The following ROBO1 variants were observed in gnomAD, a reference collection of about 807,000 sequenced individuals.
ROBO1 encodes the protein roundabout homolog 1.
ROBO1 carries 149 observed loss-of-function variants against 195.9 expected under a neutral mutation model. That is an observed-to-expected ratio of 0.76 (90% CI 0.67 to 0.87). The LOEUF (loss-of-function observed/expected upper bound fraction) is 0.87, where lower values mean the gene tolerates loss of function less well. Ranked by LOEUF, ROBO1 falls within the 40% of genes least tolerant of loss-of-function variation. The pLI, the probability that ROBO1 is intolerant of heterozygous loss-of-function variation, is 0.00. For missense variants in ROBO1, 1,933 were observed against 2,068.3 expected, an observed-to-expected ratio of 0.93 and a Z score of 1.27; for synonymous variants, 816 against 733.2, an observed-to-expected ratio of 1.11 and a Z score of -1.82.
At chr3:79,472,668 C>T (rs956510817) in intron 2 of ROBO1, among the ~76,000 whole-genome samples, 6 of 152,056 alleles carry the variant, frequency 3.9e-5, no homozygotes, top group Non-Finnish European at 8.8e-5. Context: ...CATTCGAAAA[C>T]CAATTTTATT....
intron 3 of ROBO1, among the ~76,000 whole-genome samples, chr3:79,112,945 A>G (rs1384336866): frequency 6.6e-6 from 1 of 152,012 alleles, no homozygotes; most frequent in Non-Finnish European, 1.5e-5. Flanking sequence ...AAAAAAATTG[A>G]GATGTGGTTA....
intron 8 of ROBO1, among the ~76,000 whole-genome samples, chr3:78,695,637 AAAAAAAG>A (rs1180328214): frequency 1.3e-5 from 2 of 150,820 alleles, no homozygotes; most frequent in African/African-American, 4.9e-5. Flanking sequence ...AAAAAAAAAA[AAAAAAAG>A]AAAAGAAAAC....
chr3:79,377,401 G>T (rs2036423214), intron 2 of ROBO1, among the ~76,000 whole-genome samples: 1 of 152,124 alleles, frequency 6.6e-6, no homozygotes. Flanking sequence ...TGAGGAAACA[G>T]CAAGGGGATT....
intron 1 of ROBO1, among the ~76,000 whole-genome samples, chr3:79,711,839 T>A (rs2107232009): frequency 6.8e-6 from 1 of 147,042 alleles, no homozygotes; most frequent in South Asian, 2.2e-4. Flanking sequence ...CTGGCAATAT[T>A]TTAAAACTTT....
intron 4 of ROBO1, among the ~76,000 whole-genome samples, chr3:78,775,781 G>A (rs2083488689): frequency 1.3e-5 from 2 of 152,160 alleles, no homozygotes; most frequent in South Asian, 4.1e-4. Flanking sequence ...TACTGTCTGG[G>A]AACCATTTTT....
rs56924228 is a variant in ROBO1, at chr3:79,140,287, C to A, written c.89-14748G>T. On this transcript the variant is annotated intron_variant, in intron 2 of 30. Transcript: ENST00000464233. ...ATTCACATGTTTTGTTAAATTCAGTCAAAATATCAAATTATTTACTTGATA... is the reference window on the plus strand; with the variant it reads ...ATTCACATGTTTTGTTAAATTCAGTAAAAATATCAAATTATTTACTTGATA... Among the ~76,000 whole-genome samples the A allele has an allele frequency of 8.1e-3, 1,234 of 152,100 alleles. 12 individuals carry two copies. The highest frequency in any genetic ancestry group is 0.028 in the African/African-American group (1,169 of 41,506).
intron 4 of ROBO1, among the ~76,000 whole-genome samples, chr3:78,936,347 A>G (rs1202286397): frequency 2.0e-5 from 3 of 151,980 alleles, no homozygotes; most frequent in South Asian, 4.1e-4. Context: ...GCGCTATGAA[A>G]CCTGTGTTGC....
chr3:79,499,130 G>A (rs1264362357), intron 2 of ROBO1, among the ~76,000 whole-genome samples: 5 of 152,100 alleles, frequency 3.3e-5, no homozygotes, highest in Non-Finnish European at 5.9e-5. Flanking sequence ...GAGTACCTGA[G>A]ATTACAGGCA....
chr3:78,789,811 A>G (rs982844691), intron 4 of ROBO1, among the ~76,000 whole-genome samples: 13 of 152,172 alleles, frequency 8.5e-5, no homozygotes, highest in Non-Finnish European at 1.5e-4. Flanking sequence ...TCCCCTCTTT[A>G]GAGCTCAAGC....
At chr3:79,025,328 A>G (rs1381100195) in intron 3 of ROBO1, among the ~76,000 whole-genome samples, 3 of 151,658 alleles carry the variant, frequency 2.0e-5, no homozygotes, top group Non-Finnish European at 2.9e-5. Context: ...TATCCTTTCC[A>G]CTTGTTTATT....
chr3:79,439,150 T>G (rs888538466), intron 2 of ROBO1, among the ~76,000 whole-genome samples: 1 of 152,098 alleles, frequency 6.6e-6, no homozygotes, highest in Admixed American at 6.6e-5. Flanking sequence ...TAATTACTTC[T>G]AAGTACGGAA....
chr3:79,027,086 T>C (rs1382512959), intron 3 of ROBO1, among the ~76,000 whole-genome samples: 2 of 152,092 alleles, frequency 1.3e-5, no homozygotes, highest in African/African-American at 2.4e-5. Context: ...AGACAAAAAG[T>C]ATGAGCAAGA....
At chr3:78,637,336 T>A (rs1163896335) in intron 22 of ROBO1, among the ~76,000 whole-genome samples, 1 of 152,200 alleles carries the variant, frequency 6.6e-6, no homozygotes, top group African/African-American at 2.4e-5. Context: ...TTCTAATTTC[T>A]AGTTTTGTTT....
At chr3:78,763,245 T>A (rs1471452353) in intron 4 of ROBO1, among the ~76,000 whole-genome samples, 2 of 152,118 alleles carry the variant, frequency 1.3e-5, no homozygotes, top group African/African-American at 4.8e-5. Flanking sequence ...AAAGAACAAC[T>A]AAATTAATAA....
intron 2 of ROBO1, among the ~76,000 whole-genome samples, chr3:79,135,220 T>C (rs2108596058): frequency 6.6e-6 from 1 of 152,260 alleles, no homozygotes; most frequent in African/African-American, 2.4e-5. Flanking sequence ...TGAAAAATTG[T>C]TGGAAGATAG....
intron 8 of ROBO1, among the ~76,000 whole-genome samples, chr3:78,709,407 C>T (rs1204623566): frequency 1.3e-5 from 2 of 151,978 alleles, no homozygotes; most frequent in East Asian, 3.9e-4. Context: ...CTTTTTATTG[C>T]CTAAATATTT....
chr3:79,316,596 G>A (rs1040883107), intron 2 of ROBO1, among the ~76,000 whole-genome samples: 1 of 152,102 alleles, frequency 6.6e-6, no homozygotes, highest in Non-Finnish European at 1.5e-5. Flanking sequence ...TAGAGATAAA[G>A]TCTGAGGATG....
chr3:79,314,988 C>G (rs932438064), intron 2 of ROBO1, among the ~76,000 whole-genome samples: 1 of 151,918 alleles, frequency 6.6e-6, no homozygotes, highest in Non-Finnish European at 1.5e-5. Flanking sequence ...AAGTTCTCAC[C>G]GAAATGTCTT....
intron 4 of ROBO1, among the ~76,000 whole-genome samples, chr3:78,873,977 C>T (rs2035694363): frequency 6.6e-6 from 1 of 151,864 alleles, no homozygotes; most frequent in South Asian, 2.1e-4. Context: ...GTAACCCATA[C>T]TCCATTTATC....
Sources: allele counts gnomAD v4.1 joint callset (sites outside exome capture counted in the v4.1 genomes callset), GRCh38; gene constraint gnomAD v4.1.1; transcripts MANE v1.5; gene names NCBI Gene and HGNC (gene_info 2026-07-23, HGNC 2026-07-21).